The following EGFLAM variants were observed in gnomAD, a reference collection of about 807,000 sequenced individuals.
The protein encoded by EGFLAM is EGF like, fibronectin type III and laminin G domains, also known as pikachurin.
A neutral mutation model predicts 113.1 loss-of-function variants in EGFLAM; 79 were observed. That is an observed-to-expected ratio of 0.70 (90% confidence interval 0.58 to 0.84). The LOEUF (loss-of-function observed/expected upper bound fraction) is 0.84, where lower values mean the gene tolerates loss of function less well. Among genes scored for constraint, EGFLAM ranks in the 40% least tolerant of loss-of-function variants. EGFLAM has a pLI of 0.00. For missense variants in EGFLAM, 1,265 were observed against 1,291.6 expected (o/e 0.98, Z 0.32); for synonymous variants, 504 against 487.6 (o/e 1.03, Z -0.44).
rs767003028 is a variant in EGFLAM, at chr5:38,409,057, G to A, written c.1302G>A (p.Arg434=). ...LLYCGENEHG[R]GDFMSLAIIR... Reference sequence around the variant, plus strand: ...ACTGTGGGGAGAACGAACACGGGAGGGGGGATTTCATGTCCCTGGCTATCA... The same window carrying A: ...ACTGTGGGGAGAACGAACACGGGAGAGGGGATTTCATGTCCCTGGCTATCA... The change falls in exon 10 of 22, where the codon AGG becomes AGA. Residue 434 remains arginine, a synonymous_variant. Coordinates refer to ENST00000322350, the MANE Select transcript of EGFLAM (RefSeq NM_152403.4). 5.0e-6 allele frequency: 8 copies of A among 1,595,346 alleles called. No homozygotes were observed. Among genetic ancestry groups the A allele is most frequent in the Non-Finnish European group, 6.8e-6 (8 of 1,169,930 alleles).
rs537791860 is a variant in EGFLAM, at chr5:38,423,559, A to G, written c.1685-1408A>G. ...CCTGTGGATCCAGCCAAGCTCTGGG[A>G]AGGAATCACAACCCACAGAAATTGG... On this transcript the variant is annotated intron_variant, in intron 12 of 21. Transcript: ENST00000322350. Among the ~76,000 whole-genome samples, 156 of 152,318 alleles carry G rather than the reference A, an allele frequency of 1.0e-3. 1 individual carries two copies. The highest frequency in any genetic ancestry group is 0.01 in the Middle Eastern group (3 of 294).
At chr5:38,439,479 A>T (rs1326616080) in intron 17 of EGFLAM, among the ~76,000 whole-genome samples, 1 of 152,028 alleles carries the variant, frequency 6.6e-6, no homozygotes, top group African/African-American at 2.4e-5. Flanking sequence ...GTTGATTTTT[A>T]TCAGAATTAG....
intron 14 of EGFLAM, among the ~76,000 whole-genome samples, chr5:38,430,956 C>G (rs1185137684): frequency 6.6e-6 from 1 of 152,190 alleles, no homozygotes; most frequent in African/African-American, 2.4e-5. Context: ...CACTTCCCCC[C>G]TCCTCTTCCT....
intron 9 of EGFLAM, 74 bp from the exon 10 acceptor site, chr5:38,408,930 G>A (rs1422174789): frequency 7.9e-7 from 1 of 1,264,154 alleles, no homozygotes; most frequent in African/African-American, 1.5e-5. Context: ...TTTCACATTT[G>A]TGTCTTTCCA....
intron 1 of EGFLAM, among the ~76,000 whole-genome samples, chr5:38,281,589 A>G (rs1210241246): frequency 6.6e-6 from 1 of 152,196 alleles, no homozygotes; most frequent in African/African-American, 2.4e-5. Context: ...TGCCTCTTGT[A>G]CCTGATGGTA....
intron 1 of EGFLAM, among the ~76,000 whole-genome samples, chr5:38,269,565 C>G (rs1028744961): frequency 9.9e-5 from 15 of 151,484 alleles, no homozygotes; most frequent in African/African-American, 3.4e-4. Context: ...TCTCGGCTCA[C>G]TGCAAGCTCC....
intron 1 of EGFLAM, among the ~76,000 whole-genome samples, chr5:38,280,945 G>T (rs372217475): frequency 1.2e-4 from 18 of 152,172 alleles, no homozygotes; most frequent in Admixed American, 6.5e-4. Context: ...AATTCATGCA[G>T]TAACTATAGT....
intron 14 of EGFLAM, among the ~76,000 whole-genome samples, chr5:38,429,199 T>A (rs3110991): frequency 0.063 from 9,665 of 152,244 alleles, 977 homozygotes; most frequent in African/African-American, 0.22. Flanking sequence ...CTGTGATCGA[T>A]AAAAGGATGT....
intron 6 of EGFLAM, among the ~76,000 whole-genome samples, chr5:38,389,515 G>A (rs541326537): frequency 9.9e-5 from 15 of 152,158 alleles, no homozygotes; most frequent in African/African-American, 3.6e-4. Flanking sequence ...GCTTGTCTAT[G>A]TAGAAATCAC....
chr5:38,309,633 T>G (rs1444451117), intron 1 of EGFLAM, among the ~76,000 whole-genome samples: 1 of 152,180 alleles, frequency 6.6e-6, no homozygotes, highest in African/African-American at 2.4e-5. Context: ...AAAGGAACAC[T>G]TGGACAATGT....
intron 5 of EGFLAM, among the ~76,000 whole-genome samples, chr5:38,365,661 AAGAAAGGAAAAGGAG>A (rs1361310126): frequency 6.6e-6 from 1 of 152,216 alleles, no homozygotes; most frequent in Non-Finnish European, 1.5e-5. Flanking sequence ...AGAAGTAGAA[AAGAAAGGAAAAGGAG>A]AGAAAGAAAG....
intron 12 of EGFLAM, among the ~76,000 whole-genome samples, chr5:38,419,969 G>A (rs1741773889): frequency 6.6e-6 from 1 of 152,220 alleles, no homozygotes; most frequent in Non-Finnish European, 1.5e-5. Flanking sequence ...AGAGGTTGCA[G>A]TGAGCCAGGA....
At chr5:38,379,403 A>C (rs942774439) in intron 6 of EGFLAM, among the ~76,000 whole-genome samples, 1 of 151,798 alleles carries the variant, frequency 6.6e-6, no homozygotes, top group Non-Finnish European at 1.5e-5. Flanking sequence ...AGAGTAAATG[A>C]TGCATGGAAC....
rs545073086 is a variant in EGFLAM at position 38,326,953 on chromosome 5, C to T, written c.98-10567C>T. On this transcript the variant is annotated intron_variant, in intron 1 of 21. Coordinates refer to ENST00000322350, the MANE Select transcript of EGFLAM (RefSeq NM_152403.4). ...AGCTGGGATTACAGACATGCGACAC[C>T]ACGCCTGGCTAATTTTGTATTTTTA... Among the ~76,000 whole-genome samples, 11 of 152,006 alleles carry T rather than the reference C, an allele frequency of 7.2e-5. No homozygotes were observed. The South Asian group carries it at 2.3e-3, about 32-fold the overall frequency.
At chr5:38,270,177 A>G (rs2561045) in intron 1 of EGFLAM, among the ~76,000 whole-genome samples, 92,787 of 152,084 alleles carry the variant, frequency 0.61, 29,179 homozygotes, top group African/African-American at 0.75. Context: ...TTTACAAAAT[A>G]CTGGATGACT....
chr5:38,275,328 C>T (rs1307010098), intron 1 of EGFLAM, among the ~76,000 whole-genome samples: 3 of 152,170 alleles, frequency 2.0e-5, no homozygotes, highest in Admixed American at 2.0e-4. Context: ...AAGAGGCTCA[C>T]TTCACCTGTA....
At chr5:38,307,454 T>A (rs1265558682) in intron 1 of EGFLAM, among the ~76,000 whole-genome samples, 1 of 152,230 alleles carries the variant, frequency 6.6e-6, no homozygotes, top group Non-Finnish European at 1.5e-5. Context: ...GCCCTTTTTC[T>A]TCCTGCCACC....
chr5:38,314,453 G>A (rs1738538595), intron 1 of EGFLAM, among the ~76,000 whole-genome samples: 1 of 152,176 alleles, frequency 6.6e-6, no homozygotes, highest in South Asian at 2.1e-4. Flanking sequence ...GAGGATGTGG[G>A]CAGTAGACGT....
At chr5:38,421,214 A>G (rs750469579) in intron 12 of EGFLAM, among the ~76,000 whole-genome samples, 5 of 152,006 alleles carry the variant, frequency 3.3e-5, no homozygotes, top group Non-Finnish European at 5.9e-5. Flanking sequence ...AGTTCCTTCC[A>G]CTTCATATCC....
Sources: gnomAD v4.1 joint callset for allele counts (sites outside exome capture counted in the v4.1 genomes callset) on GRCh38, gnomAD v4.1.1 for gene constraint, MANE v1.5 for transcripts, NCBI Gene and HGNC (gene_info 2026-07-23, HGNC 2026-07-21) for gene names.